Variants in ASH1L observed in about 807,000 individuals in gnomAD.
ASH1L encodes the protein histone-lysine N-methyltransferase ASH1L.
Under a neutral mutation model 269.0 loss-of-function variants are expected in ASH1L, and 23 were observed. The observed-to-expected ratio is 0.09, with a 90% confidence interval of 0.06 to 0.12. ASH1L has a LOEUF of 0.12. Among genes scored for constraint, ASH1L ranks in the 10% least tolerant of loss-of-function variants. The pLI is 1.00. For missense variants in ASH1L, 2,912 were observed against 3,567.8 expected (o/e 0.82, Z 4.68); for synonymous variants, 1,187 against 1,253.5 (o/e 0.95, Z 1.12).
chr1:155,501,707 G>A (rs1015521358), intron 2 of ASH1L, among the ~76,000 whole-genome samples: 2 of 152,166 alleles, frequency 1.3e-5, no homozygotes, highest in Non-Finnish European at 2.9e-5. Context: ...TCTGTCACCA[G>A]GCTGAAGCGC....
intron 6 of ASH1L, among the ~76,000 whole-genome samples, chr1:155,407,702 TATACATATGCACAATGG>T (rs1659412259): frequency 1.3e-5 from 2 of 152,250 alleles, no homozygotes; most frequent in South Asian, 4.1e-4. Flanking sequence ...TAAAATGTGG[TATACATATGCACAATGG>T]AATATTATTT....
At chr1:155,361,807 A>C (rs968923185) in intron 12 of ASH1L, among the ~76,000 whole-genome samples, 1 of 137,440 alleles carries the variant, frequency 7.3e-6, no homozygotes, top group African/African-American at 2.7e-5. Context: ...CCTGAGGCAG[A>C]GGTTGCAGTG....
At chr1:155,409,871 A>T (rs938725898) in intron 6 of ASH1L, among the ~76,000 whole-genome samples, 2 of 152,114 alleles carry the variant, frequency 1.3e-5, no homozygotes, top group East Asian at 1.9e-4. Context: ...GTTCTTAAAA[A>T]ATGGTCGATC....
chr1:155,450,988 A>T (rs547678896), intron 4 of ASH1L, among the ~76,000 whole-genome samples: 9 of 152,284 alleles, frequency 5.9e-5, no homozygotes, highest in African/African-American at 1.7e-4. Flanking sequence ...ACCTGAGGTC[A>T]GGAGTCTGAG....
chr1:155,462,948 C>T (rs1480928458), intron 3 of ASH1L, among the ~76,000 whole-genome samples: 3 of 152,072 alleles, frequency 2.0e-5, no homozygotes, highest in Admixed American at 6.6e-5. Context: ...AAAACATTAA[C>T]GATATAAAGC....
At chr1:155,340,842 T>C (rs1652729454) in intron 25 of ASH1L, among the ~76,000 whole-genome samples, 1 of 150,848 alleles carries the variant, frequency 6.6e-6, no homozygotes, top group Non-Finnish European at 1.5e-5. Flanking sequence ...CACAATCAGC[T>C]TACTGTAACC....
intron 20 of ASH1L, 135 bp from the exon 21 acceptor site, chr1:155,346,604 A>T (rs1653356183): frequency 1.4e-6 from 1 of 698,954 alleles, no homozygotes; most frequent in Admixed American, 2.8e-5. Flanking sequence ...GGTGAATGAT[A>T]AATTAGAGAT....
At chr1:155,443,063 C>T (rs1662730233) in intron 4 of ASH1L, among the ~76,000 whole-genome samples, 1 of 152,172 alleles carries the variant, frequency 6.6e-6, no homozygotes, top group South Asian at 2.1e-4. Flanking sequence ...GGTCCATTAA[C>T]GCGGTGACTA....
At chr1:155,361,574 C>T (rs1654951028) in intron 12 of ASH1L, among the ~76,000 whole-genome samples, 1 of 146,218 alleles carries the variant, frequency 6.8e-6, no homozygotes, top group Non-Finnish European at 1.5e-5. Flanking sequence ...TGGCATGTGC[C>T]TATACTCCCA....
chr1:155,464,996 C>T (rs952515288), intron 3 of ASH1L, among the ~76,000 whole-genome samples: 1 of 151,940 alleles, frequency 6.6e-6, no homozygotes, highest in Non-Finnish European at 1.5e-5. Context: ...AAACCAAGAA[C>T]CTGTTTTCAA....
intron 4 of ASH1L, among the ~76,000 whole-genome samples, chr1:155,456,251 C>T (rs751133560): frequency 6.6e-6 from 1 of 152,200 alleles, no homozygotes; most frequent in Non-Finnish European, 1.5e-5. Context: ...CACACCTAAT[C>T]TACCACATTG....
At chr1:155,372,907 G>C (rs368475494) in intron 10 of ASH1L, among the ~76,000 whole-genome samples, 1 of 152,034 alleles carries the variant, frequency 6.6e-6, no homozygotes, top group Non-Finnish European at 1.5e-5. Flanking sequence ...ATAGTAGTTA[G>C]GGAATTAACA....
At chr1:155,388,254 GC>G in intron 7 of ASH1L, among the ~76,000 whole-genome samples, 1 of 152,204 alleles carries the variant, frequency 6.6e-6, no homozygotes. Flanking sequence ...AGTAACTGCT[GC>G]CACTCACCAA....
At chr1:155,416,925 C>T in intron 5 of ASH1L, among the ~76,000 whole-genome samples, 3 of 142,856 alleles carry the variant, frequency 2.1e-5, no homozygotes, top group Admixed American at 1.5e-4. Context: ...CTTTTCTTTC[C>T]TTTTCTTTTT....
intron 5 of ASH1L, among the ~76,000 whole-genome samples, chr1:155,419,931 A>G (rs1660530686): frequency 6.6e-6 from 1 of 152,248 alleles, no homozygotes; most frequent in African/African-American, 2.4e-5. Context: ...TGAAATACAC[A>G]ACAATGTTGC....
chr1:155,344,136 T>C, intron 22 of ASH1L, 47 bp downstream of exon 22: 1 of 1,531,564 alleles, frequency 6.5e-7, no homozygotes, highest in South Asian at 1.1e-5. Flanking sequence ...TTCCTACTAT[T>C]CAGAAAGGTC....
intron 6 of ASH1L, among the ~76,000 whole-genome samples, chr1:155,413,174 A>T (rs1032931295): frequency 2.0e-5 from 3 of 150,494 alleles, no homozygotes; most frequent in Admixed American, 1.3e-4. Context: ...CAGAATGTTG[A>T]TTTTTTTTTT....
chr1:155,453,310 A>G (rs1558123084), intron 4 of ASH1L, among the ~76,000 whole-genome samples: 1 of 151,172 alleles, frequency 6.6e-6, no homozygotes, highest in Non-Finnish European at 1.5e-5. Context: ...AGCCATGATC[A>G]TGCAACTGCA....
At position 155,478,060 on chromosome 1, in the gene ASH1L, T is replaced by C. The variant is rs1665691062; in HGVS notation, c.4810A>G (p.Thr1604Ala). 1 of 1,614,234 alleles carries C rather than the reference T, an allele frequency of 6.2e-7. No homozygotes were observed. The highest frequency in any genetic ancestry group is 8.5e-7 in the Non-Finnish European group (1 of 1,180,040). Residue 1604 changes from threonine (T) to alanine (A), a missense_variant, in exon 3 of 28, where the codon ACA becomes GCA. Physicochemically the swap from Thr to Ala is moderately conservative, Grantham distance 58. Around this residue, in one of 13 missense-constraint regions of ASH1L, gnomAD observed 789 missense variants for 897.6 expected, o/e 0.88. Transcript: ENST00000392403. The surrounding 1 kb of genome is among the most constrained non-coding windows in gnomAD (Gnocchi z 4.6). ...NSEPASSDEH[T>A]NLFTSAIGSC... ...CCTATTGCACTTGTGAAAAGGTTTG[T>C]ATGTTCATCACTGCTGGCTGGCTCA...
Sources: allele counts gnomAD v4.1 joint callset (sites outside exome capture counted in the v4.1 genomes callset), GRCh38; gene constraint gnomAD v4.1.1; regional missense constraint gnomAD v4.1.1; non-coding constraint Gnocchi (gnomAD v3.1); transcripts MANE v1.5; gene names NCBI Gene and HGNC (gene_info 2026-07-23, HGNC 2026-07-21).